Variants in PLD6 observed in about 807,000 individuals in gnomAD.
PLD6 encodes the protein phospholipase D family member 6.
PLD6 carries 10 observed loss-of-function variants against 9.7 expected under a neutral mutation model. That is an observed-to-expected ratio of 1.03 (90% confidence interval 0.64 to 1.75). The LOEUF is 1.75. Among genes scored for constraint, PLD6 ranks in the 40% most tolerant of loss-of-function variants. The pLI, the probability that PLD6 is intolerant of heterozygous loss-of-function variation, is 0.00. For missense variants in PLD6, 334 were observed against 347.6 expected, an observed-to-expected ratio of 0.96 and a Z score of 0.31; for synonymous variants, 152 against 159.2, an observed-to-expected ratio of 0.96 and a Z score of 0.34.
chr17:17,202,919 C>G lies in PLD6; in HGVS notation c.607G>C (p.Glu203Gln), dbSNP rs1336384952. 2.5e-6 allele frequency: 4 copies of G among 1,614,190 alleles called. No individual in the cohort carries two copies. The highest frequency in any genetic ancestry group is 2.2e-5 in the East Asian group (1 of 44,876). ...GGGTTAAACTGTTCCCAGATGCGCT[C>G]AAATTCTTCCAGAAAAAGCCGCACG... is the stretch of plus-strand genomic sequence containing the variant. ...EYVRLFLEEF[E>Q]RIWEQFNPTK... is the part of the protein sequence containing the mutation. The change falls in exon 2 of 2, where the codon GAG becomes CAG. Residue 203 changes from glutamate to glutamine, a missense_variant. Physicochemically the swap from Glu to Gln is conservative, Grantham distance 29. Transcript: ENST00000321560.
chr17:17,205,728 C>T (rs953824570), intron 1 of PLD6, 132 bp downstream of exon 1: 1 of 1,108,804 alleles, frequency 9.0e-7, no homozygotes, highest in African/African-American at 1.6e-5. Context: ...CACCCCGACC[C>T]CACAAGGCCA....
At position 17,202,701 on chromosome 17, in the gene PLD6, A is replaced by T; in HGVS notation, c.*66T>A. 1 of 1,433,144 alleles carries T rather than the reference A, an allele frequency of 7.0e-7. No individual in the cohort carries two copies. Among genetic ancestry groups the T allele is most frequent in the South Asian group, 1.3e-5 (1 of 75,606 alleles). 88.8% of individuals were successfully genotyped at this position (1,433,144 alleles called of 1,614,324 possible). ...GACTTTAGTTTAACGATTTTTTTCTAGTGCCGAGGTCTCCCTCCCTCAGAA... is the reference window on the plus strand; with the variant it reads ...GACTTTAGTTTAACGATTTTTTTCTTGTGCCGAGGTCTCCCTCCCTCAGAA... On this transcript the variant is annotated 3_prime_UTR_variant, in exon 2 of 2. Coordinates refer to ENST00000321560, the MANE Select transcript of PLD6 (RefSeq NM_178836.4).
rs747173865 is a variant in PLD6, at chr17:17,206,301, G to C, written c.-15C>G. 6.6e-7 allele frequency: 1 copy of C among 1,517,014 alleles called. No individual in the cohort carries two copies. The highest frequency in any genetic ancestry group is 8.7e-7 in the Non-Finnish European group (1 of 1,143,636). 94.0% of individuals were successfully genotyped at this position (1,517,014 alleles called of 1,614,324 possible). A position where few individuals can be genotyped will look rare whatever the true frequency, so the allele number is the denominator to read the frequency against. ...AACCGTCCCATGCCGCCGCTAATCC[G>C]GGACCCACAGCCACGCCGCCGCAGC... On this transcript the variant is annotated 5_prime_UTR_variant, in exon 1 of 2. Coordinates refer to ENST00000321560, the MANE Select transcript of PLD6 (RefSeq NM_178836.4).
chr17:17,202,667 A>C lies in PLD6; in HGVS notation c.*100T>G. 8.7e-7 allele frequency: 1 copy of C among 1,148,236 alleles called. No homozygotes were observed. The highest frequency in any genetic ancestry group is 1.2e-6 in the Non-Finnish European group (1 of 807,474). The allele number at this position is 1,148,236 out of a possible 1,614,324, so 71.1% of individuals were successfully genotyped here. ...CTTCTTTAGTTCAATTTAGTATTCT[A>C]ATAGACGAGACTTTAGTTTAACGAT... On this transcript the variant is annotated 3_prime_UTR_variant, in exon 2 of 2. Coordinates refer to ENST00000321560, the MANE Select transcript of PLD6 (RefSeq NM_178836.4).
chr17:17,206,095 C>G lies in PLD6; in HGVS notation c.192G>C (p.Glu64Asp), dbSNP rs1489381404. 10 of 1,477,936 alleles carry G rather than the reference C, an allele frequency of 6.8e-6. No homozygotes were observed. Among genetic ancestry groups the G allele is most frequent in the Middle Eastern group, 2.0e-4 (1 of 5,122 alleles). The allele number at this position is 1,477,936 out of a possible 1,614,324, so 91.6% of individuals were successfully genotyped here. The change falls in exon 1 of 2, where the codon GAG (glutamate) becomes GAC (aspartate). Residue 64 changes from glutamate to aspartate, a missense_variant. Coordinates refer to ENST00000321560, the MANE Select transcript of PLD6 (RefSeq NM_178836.4). ...GGCCGCACGGGCAGCCCTCGGGGAG[C>G]TCGGCCAGCTCCGCGCCCGGAGCCC... ...LLRAPGAELA[E>D]LPEGCPCGLP...
intron 1 of PLD6, among the ~76,000 whole-genome samples, chr17:17,204,945 G>T (rs144238579): frequency 1.3e-5 from 2 of 152,292 alleles, no homozygotes; most frequent in African/African-American, 4.8e-5. Flanking sequence ...GGAACAGCGC[G>T]GCGGTGACCA....
chr17:17,201,260 C>G lies in PLD6; in HGVS notation c.*1507G>C, dbSNP rs2046671779. The G allele has an allele frequency of 6.6e-6, 1 of 152,210 alleles. No individual in the cohort carries two copies. The highest frequency in any genetic ancestry group is 1.5e-5 in the Non-Finnish European group (1 of 68,058). The allele number at this position is 152,210 out of a possible 1,614,324, so 9.4% of individuals were successfully genotyped here. A position where few individuals can be genotyped will look rare whatever the true frequency, so the allele number is the denominator to read the frequency against. ...CCCTAAAAAGGAAAAACACACAGCACTGAAGGGTCTCTGGGTGGTAATGCC... is the reference window on the plus strand; with the variant it reads ...CCCTAAAAAGGAAAAACACACAGCAGTGAAGGGTCTCTGGGTGGTAATGCC... On this transcript the variant is annotated 3_prime_UTR_variant, in exon 2 of 2. Transcript: ENST00000321560.
chr17:17,203,300 C>T (rs2046690540), intron 1 of PLD6, among the ~76,000 whole-genome samples: 3 of 152,298 alleles, frequency 2.0e-5, no homozygotes, highest in Non-Finnish European at 4.4e-5. Flanking sequence ...AGGGCCAGAG[C>T]GTCACACACA....
In PLD6 at chr17:17,202,600, GA is replaced by G; in HGVS notation, c.*166del. On this transcript the variant is annotated 3_prime_UTR_variant, in exon 2 of 2. Transcript: ENST00000321560. The stretch of plus-strand genomic sequence containing the variant: ...AAGGAGCAAGAAAAAGGTCTGGCCC[GA>G]AATAACTGACCCGAAGTAACAGAAA... The G allele has an allele frequency of 1.4e-6, 1 of 713,900 alleles. No individual in the cohort carries two copies. Among genetic ancestry groups the G allele is most frequent in the South Asian group, 2.0e-5 (1 of 50,558 alleles). The allele number at this position is 713,900 out of a possible 1,614,324, so 44.2% of individuals were successfully genotyped here.
Position 17,202,455 on chromosome 17 carries a change from G to C in PLD6, c.*312C>G, listed in dbSNP as rs1348402988. 6.3e-6 allele frequency: 2 copies of C among 316,288 alleles called. No individual in the cohort carries two copies. Among genetic ancestry groups the C allele is most frequent in the Non-Finnish European group, 1.2e-5 (2 of 168,360 alleles). 19.6% of individuals were successfully genotyped at this position (316,288 alleles called of 1,614,324 possible). On this transcript the variant is annotated 3_prime_UTR_variant, in exon 2 of 2. Coordinates refer to ENST00000321560, the MANE Select transcript of PLD6 (RefSeq NM_178836.4). ...TAGAATCAGGGAAGGGAATGGGATC[G>C]ACCTGGAAGAGGCACTGTGCCTTTT...
chr17:17,206,117 G>A lies in PLD6; in HGVS notation c.170C>T (p.Ala57Val). The change falls in exon 1 of 2, where the codon GCT becomes GTT. Residue 57 changes from alanine to valine, a missense_variant. Coordinates refer to ENST00000321560, the MANE Select transcript of PLD6 (RefSeq NM_178836.4). ...QVTCTEALLRAPGAELAELPE... is the reference protein window; with the variant it reads ...QVTCTEALLRVPGAELAELPE... ...GAGCTCGGCCAGCTCCGCGCCCGGAGCCCGCAGCAGGGCCTCGGTACAGGT... is the reference window on the plus strand; with the variant it reads ...GAGCTCGGCCAGCTCCGCGCCCGGAACCCGCAGCAGGGCCTCGGTACAGGT... 6.7e-7 allele frequency: 1 copy of A among 1,482,586 alleles called. No individual in the cohort carries two copies. Among genetic ancestry groups the A allele is most frequent in the East Asian group, 2.8e-5 (1 of 35,702 alleles). 91.8% of individuals were successfully genotyped at this position (1,482,586 alleles called of 1,614,324 possible).
chr17:17,205,257 T>A (rs2046707534), intron 1 of PLD6, among the ~76,000 whole-genome samples: 1 of 152,174 alleles, frequency 6.6e-6, no homozygotes, highest in Non-Finnish European at 1.5e-5. Flanking sequence ...GAAATATGTG[T>A]TCCCCTCCTT....
intron 1 of PLD6, among the ~76,000 whole-genome samples, 169 bp downstream of exon 1, chr17:17,205,691 G>A (rs574572132): frequency 1.2e-4 from 19 of 152,254 alleles, no homozygotes; most frequent in African/African-American, 4.6e-4. Flanking sequence ...GACCTTCTGT[G>A]GGGGCTCTGC....
Position 17,206,228 on chromosome 17 carries a change from A to G in PLD6, c.59T>C (p.Leu20Pro). 2.6e-6 allele frequency: 4 copies of G among 1,545,270 alleles called. No individual in the cohort carries two copies. The highest frequency in any genetic ancestry group is 3.5e-6 in the Non-Finnish European group (4 of 1,156,630). ...AAAAVGLALT[L>P]EALPWVLRWL... ...GCGCAGCACCCAAGGCAGCGCCTCC[A>G]GAGTCAGAGCCAGGCCCACAGCCGC... is the stretch of plus-strand genomic sequence containing the variant. Residue 20 changes from leucine (L) to proline (P), a missense_variant, in exon 1 of 2, where the codon CTG becomes CCG. Leu to Pro is a moderately conservative substitution (Grantham distance 98). Transcript: ENST00000321560.
In PLD6 at chr17:17,206,158, G is replaced by A; in HGVS notation, c.129C>T (p.Phe43=). ...RRRRPRREAL[F]FPSQVTCTEA... is the part of the protein sequence containing the mutation. ...CGGTACAGGTCACCTGAGACGGGAA[G>A]AACAGCGCCTCGCGCCGCGGCCGCC... The change falls in exon 1 of 2, where the codon TTC becomes TTT. Residue 43 remains phenylalanine, a synonymous_variant. Coordinates refer to ENST00000321560, the MANE Select transcript of PLD6 (RefSeq NM_178836.4). The A allele has an allele frequency of 2.7e-6, 4 of 1,504,778 alleles. No homozygotes were observed. The highest frequency in any genetic ancestry group is 3.5e-6 in the Non-Finnish European group (4 of 1,133,950). 93.2% of individuals were successfully genotyped at this position (1,504,778 alleles called of 1,614,324 possible).
At chr17:17,204,948 G>T (rs571618915) in intron 1 of PLD6, among the ~76,000 whole-genome samples, 2 of 152,192 alleles carry the variant, frequency 1.3e-5, no homozygotes, top group East Asian at 3.9e-4. Flanking sequence ...ACAGCGCGGC[G>T]GTGACCACTG....
intron 1 of PLD6, 104 bp from the exon 2 acceptor site, chr17:17,203,202 G>T: frequency 8.3e-7 from 1 of 1,212,010 alleles, no homozygotes; most frequent in Non-Finnish European, 1.1e-6. Flanking sequence ...AGTTTGGTGG[G>T]CCAGGAAAGC....
Position 17,202,991 on chromosome 17 carries a change from T to C in PLD6, c.535A>G (p.Ile179Val). 1 of 1,614,226 alleles carries C rather than the reference T, an allele frequency of 6.2e-7. No homozygotes were observed. The highest frequency in any genetic ancestry group is 1.3e-5 in the African/African-American group (1 of 75,068). The change falls in exon 2 of 2, where the codon ATC becomes GTC. Residue 179 changes from isoleucine (I) to valine (V), a missense_variant. Ile to Val is a conservative substitution (Grantham distance 29). Coordinates refer to ENST00000321560, the MANE Select transcript of PLD6 (RefSeq NM_178836.4). ...AGAACATTCTCCCTGTTGTTCTGGA[T>C]GGCTTGCGTGGTCCAGTTGAGCGAG... is the stretch of plus-strand genomic sequence containing the variant. ...TGSLNWTTQA[I>V]QNNRENVLIT...
At chr17:17,205,648 G>T (rs2046712135) in intron 1 of PLD6, among the ~76,000 whole-genome samples, 1 of 152,230 alleles carries the variant, frequency 6.6e-6, no homozygotes, top group Non-Finnish European at 1.5e-5. Flanking sequence ...AGGCACCGAG[G>T]GTCCGGCTCG....
Sources: allele counts gnomAD v4.1 joint callset (sites outside exome capture counted in the v4.1 genomes callset), GRCh38; gene constraint gnomAD v4.1.1; transcripts MANE v1.5; gene names NCBI Gene and HGNC (gene_info 2026-07-23, HGNC 2026-07-21).